Variants in ROBO2 observed in about 807,000 individuals in gnomAD.
ROBO2 encodes roundabout guidance receptor 2.
In ROBO2, 53 loss-of-function variants were observed where a neutral mutation model predicts 160.8. The observed-to-expected ratio is 0.33, with a 90% confidence interval of 0.26 to 0.41. The LOEUF (loss-of-function observed/expected upper bound fraction) is 0.41. Ranked by LOEUF, ROBO2 falls within the 10% of genes least tolerant of loss-of-function variation. The pLI is 1.00. For missense variants in ROBO2, 1,577 were observed against 1,722.4 expected (o/e 0.92, Z 1.49); for synonymous variants, 664 against 611.7 (o/e 1.09, Z -1.26).
chr3:77,070,038 G>A (rs1015754692), intron 1 of ROBO2, among the ~76,000 whole-genome samples: 3 of 152,028 alleles, frequency 2.0e-5, no homozygotes, highest in South Asian at 2.1e-4. Context: ...ATTTGGATAC[G>A]GAGACACAAA....
rs1376041798 is a variant in ROBO2 at position 77,410,495 on chromosome 3, CTCCTCCTCTTCCTCCTCT to C, written c.389-66910_389-66893del. On this transcript the variant is annotated intron_variant, in intron 2 of 25. Coordinates refer to ENST00000461745, the Ensembl canonical transcript of ROBO2. ...TTCCCCTTCTCCCTCTTCTTTCCTC[CTCCTCCTCTTCCTCCTCT>C]TCCTCCTCCTCCTCTTCCTCCTCCT... 6.2e-4 allele frequency among the ~76,000 whole-genome samples: 90 copies of C among 145,654 alleles called. 1 individual carries two copies. The highest frequency in any genetic ancestry group is 2.5e-3 in the South Asian group (11 of 4,426).
chr3:76,831,324 A>G (rs1303645708), intron 2 of ROBO2, among the ~76,000 whole-genome samples: 1 of 152,208 alleles, frequency 6.6e-6, no homozygotes, highest in Non-Finnish European at 1.5e-5. Flanking sequence ...TAATATGGTA[A>G]GTCCCCTTAT....
At chr3:76,737,713 T>G (rs1463059972) in intron 2 of ROBO2, among the ~76,000 whole-genome samples, 1 of 152,182 alleles carries the variant, frequency 6.6e-6, no homozygotes, top group Non-Finnish European at 1.5e-5. Flanking sequence ...AACTTCAACT[T>G]TACTCTAGAG....
intron 2 of ROBO2, among the ~76,000 whole-genome samples, chr3:76,371,615 C>G (rs929279299): frequency 5.3e-5 from 8 of 151,658 alleles, no homozygotes; most frequent in African/African-American, 1.9e-4. Flanking sequence ...AATGTTTACT[C>G]TAGTATTTGA....
intron 1 of ROBO2, among the ~76,000 whole-genome samples, chr3:77,074,316 T>C (rs575854869): frequency 7.9e-5 from 12 of 152,338 alleles, no homozygotes; most frequent in African/African-American, 2.9e-4. Context: ...TCTAAGGTTC[T>C]GTTTAAAATA....
chr3:75,948,919 A>G (rs1948431888), intron 2 of ROBO2, among the ~76,000 whole-genome samples: 1 of 152,114 alleles, frequency 6.6e-6, no homozygotes, highest in Non-Finnish European at 1.5e-5. Flanking sequence ...ATCTGTTAGG[A>G]CATTTATTTC....
intron 2 of ROBO2, among the ~76,000 whole-genome samples, chr3:77,011,811 G>A (rs2061940074): frequency 6.6e-6 from 1 of 151,766 alleles, no homozygotes; most frequent in African/African-American, 2.4e-5. Flanking sequence ...TCTATTTCCT[G>A]GTGAGACCTT....
chr3:76,426,592 A>G (rs1477473056), intron 2 of ROBO2, among the ~76,000 whole-genome samples: 1 of 152,232 alleles, frequency 6.6e-6, no homozygotes, highest in Non-Finnish European at 1.5e-5. Flanking sequence ...ATGCAATTCA[A>G]AGAATTTTGA....
At chr3:76,030,378 C>G (rs532863941) in intron 2 of ROBO2, among the ~76,000 whole-genome samples, 2 of 152,232 alleles carry the variant, frequency 1.3e-5, no homozygotes, top group South Asian at 4.1e-4. Context: ...TAATTAGATC[C>G]CATTCATCTA....
At chr3:76,890,067 A>G (rs2074223530) in intron 2 of ROBO2, among the ~76,000 whole-genome samples, 1 of 152,094 alleles carries the variant, frequency 6.6e-6, no homozygotes, top group African/African-American at 2.4e-5. Context: ...TGTAATGAGA[A>G]GTCATTTCAG....
intron 2 of ROBO2, among the ~76,000 whole-genome samples, chr3:76,284,267 G>T (rs1708396961): frequency 6.6e-6 from 1 of 151,786 alleles, no homozygotes; most frequent in South Asian, 2.1e-4. Context: ...CTACTTCTGG[G>T]GTCAGAGATT....
At chr3:76,220,665 A>T (rs571479447) in intron 2 of ROBO2, among the ~76,000 whole-genome samples, 2 of 152,174 alleles carry the variant, frequency 1.3e-5, no homozygotes, top group Non-Finnish European at 2.9e-5. Flanking sequence ...ACATTCTTTG[A>T]GTGGTGTTTA....
At chr3:76,607,183 A>G (rs1045914347) in intron 2 of ROBO2, among the ~76,000 whole-genome samples, 1 of 152,122 alleles carries the variant, frequency 6.6e-6, no homozygotes, top group Admixed American at 6.6e-5. Context: ...CCTCCTGAGT[A>G]TCTTGGACTT....
intron 2 of ROBO2, among the ~76,000 whole-genome samples, chr3:76,249,225 TCAC>T (rs1705829564): frequency 6.6e-6 from 1 of 152,056 alleles, no homozygotes; most frequent in African/African-American, 2.4e-5. Context: ...AGAAAGAACA[TCAC>T]CACCACACAG....
chr3:76,311,802 G>A (rs1310871060), intron 2 of ROBO2, among the ~76,000 whole-genome samples: 1 of 152,152 alleles, frequency 6.6e-6, no homozygotes, highest in Non-Finnish European at 1.5e-5. Flanking sequence ...TGATCAGAGG[G>A]ATGTCTGAGA....
At chr3:76,347,404 TAGTG>T (rs1559801306) in intron 2 of ROBO2, among the ~76,000 whole-genome samples, 4 of 152,114 alleles carry the variant, frequency 2.6e-5, no homozygotes, top group African/African-American at 9.7e-5. Flanking sequence ...GTGATGATGT[TAGTG>T]TGTGTGCATT....
intron 2 of ROBO2, among the ~76,000 whole-genome samples, chr3:76,685,210 T>TTG (rs370966248): frequency 0.027 from 3,837 of 139,722 alleles, 151 homozygotes; most frequent in African/African-American, 0.098. Flanking sequence ...TTTTTTTTTT[T>TTG]CCAGTAATTT....
In ROBO2 at chr3:76,622,258, GAA is replaced by G. The variant is rs1250453974; in HGVS notation, c.110-475754_110-475753del. Among the ~76,000 whole-genome samples the G allele has an allele frequency of 4.7e-5, 3 of 64,452 alleles. 1 individual carries two copies. Among genetic ancestry groups the G allele is most frequent in the African/African-American group, 1.2e-4 (2 of 16,106 alleles). The allele number at this position is 64,452 out of a possible 152,430, so 42.3% of individuals were successfully genotyped here. The stretch of plus-strand genomic sequence containing the variant: ...AGGAAGAAAGAAAGAAAGAAAGAAA[GAA>G]AGAAAGAAAGAAAGAAAGAAAGAAA... On this transcript the variant is annotated intron_variant, in intron 2 of 26. Coordinates refer to the ROBO2 transcript ENST00000487694.
intron 2 of ROBO2, among the ~76,000 whole-genome samples, chr3:76,826,319 A>T (rs969363486): frequency 3.9e-5 from 6 of 152,122 alleles, no homozygotes; most frequent in African/African-American, 1.2e-4. Flanking sequence ...TGCTTGGTTC[A>T]GTAAGAATAA....
Sources: gnomAD v4.1 joint callset for allele counts (sites outside exome capture counted in the v4.1 genomes callset) on GRCh38, gnomAD v4.1.1 for gene constraint, MANE v1.5 for transcripts, NCBI Gene and HGNC (gene_info 2026-07-23, HGNC 2026-07-21) for gene names.